PAK5: variants seen among roughly 807,000 people sequenced by gnomAD.
The protein encoded by PAK5 is serine/threonine-protein kinase PAK 5.
Under a neutral mutation model 65.9 loss-of-function variants are expected in PAK5, and 16 were observed. That is an observed-to-expected ratio of 0.24 (90% CI 0.16 to 0.37). The LOEUF (loss-of-function observed/expected upper bound fraction) is 0.37, where lower values mean the gene tolerates loss of function less well. PAK5 is among the 10% of genes least tolerant of loss of function. The probability of loss-of-function intolerance (pLI) is 1.00; values close to 1 mark genes in which losing one functional copy is unlikely to be tolerated. For synonymous variants in PAK5, 371 were observed against 354.9 expected (o/e 1.05, Z -0.51); for missense variants, 785 against 903.9 (o/e 0.87, Z 1.69).
At chr20:9,662,132 T>G (rs1479068675) in intron 2 of PAK5, among the ~76,000 whole-genome samples, 1 of 152,220 alleles carries the variant, frequency 6.6e-6, no homozygotes, top group Non-Finnish European at 1.5e-5. Context: ...ATTTGGTGCC[T>G]ATGTGATGGG....
At chr20:9,630,160 C>A (rs1325054274) in intron 3 of PAK5, among the ~76,000 whole-genome samples, 1 of 152,068 alleles carries the variant, frequency 6.6e-6, no homozygotes, top group Admixed American at 6.6e-5. Flanking sequence ...TCTCAAAAAA[C>A]AGAATCAGAA....
chr20:9,743,606 G>T (rs181256745), intron 1 of PAK5, among the ~76,000 whole-genome samples: 49 of 152,224 alleles, frequency 3.2e-4, no homozygotes, highest in Admixed American at 6.5e-4. Context: ...AGAAATAGAC[G>T]TTGGAATACT....
At chr20:9,560,915 C>G (rs1377610323) in intron 6 of PAK5, among the ~76,000 whole-genome samples, 1 of 152,164 alleles carries the variant, frequency 6.6e-6, no homozygotes, top group Non-Finnish European at 1.5e-5. Context: ...AGCATGGATT[C>G]TCATTTAGTT....
chr20:9,712,372 C>T (rs1257092133), intron 1 of PAK5, among the ~76,000 whole-genome samples: 1 of 152,072 alleles, frequency 6.6e-6, no homozygotes, highest in Non-Finnish European at 1.5e-5. Flanking sequence ...AAAAGGACTA[C>T]ATACAGATTT....
At chr20:9,574,702 TAA>T (rs1467785333) in intron 4 of PAK5, among the ~76,000 whole-genome samples, 2 of 152,214 alleles carry the variant, frequency 1.3e-5, no homozygotes, top group Non-Finnish European at 2.9e-5. Flanking sequence ...AAAGGACACC[TAA>T]AGTCTCCATC....
intron 1 of PAK5, among the ~76,000 whole-genome samples, chr20:9,820,509 G>A (rs1448777431): frequency 6.6e-6 from 1 of 152,204 alleles, no homozygotes; most frequent in Non-Finnish European, 1.5e-5. Flanking sequence ...GGAGATGTAA[G>A]TCTCAGTAGG....
intron 1 of PAK5, among the ~76,000 whole-genome samples, chr20:9,769,684 G>C (rs1374756171): frequency 1.3e-5 from 2 of 152,238 alleles, no homozygotes; most frequent in African/African-American, 4.8e-5. Context: ...CTATGGGCTA[G>C]AGAGCACATC....
intron 2 of PAK5, among the ~76,000 whole-genome samples, chr20:9,705,535 T>C (rs2123473266): frequency 6.6e-6 from 1 of 152,252 alleles, no homozygotes; most frequent in African/African-American, 2.4e-5. Flanking sequence ...AAATCGATCA[T>C]ATGTGTATTC....
intron 1 of PAK5, among the ~76,000 whole-genome samples, chr20:9,748,451 C>T (rs911423262): frequency 1.3e-5 from 2 of 152,122 alleles, no homozygotes; most frequent in African/African-American, 4.8e-5. Flanking sequence ...TACAAGGCTA[C>T]AGTAACCAAA....
At chr20:9,748,126 C>G (rs1863553864) in intron 1 of PAK5, among the ~76,000 whole-genome samples, 2 of 152,000 alleles carry the variant, frequency 1.3e-5, no homozygotes, top group African/African-American at 2.4e-5. Context: ...ATCCAACTTA[C>G]AAGGGACGTG....
At chr20:9,570,852 C>T (rs2045769059) in intron 4 of PAK5, among the ~76,000 whole-genome samples, 1 of 152,188 alleles carries the variant, frequency 6.6e-6, no homozygotes, top group Non-Finnish European at 1.5e-5. Flanking sequence ...CTAATTTAGG[C>T]CACTTTTCTT....
At chr20:9,580,048 C>G in intron 4 of PAK5, 97 bp downstream of exon 4, 1 of 1,079,086 alleles carries the variant, frequency 9.3e-7, no homozygotes, top group Non-Finnish European at 1.3e-6. Flanking sequence ...AAAAGGCAAA[C>G]AAGTACTTTA....
chr20:9,722,029 T>A (rs1259595699), intron 1 of PAK5, among the ~76,000 whole-genome samples: 1 of 152,128 alleles, frequency 6.6e-6, no homozygotes, highest in East Asian at 1.9e-4. Flanking sequence ...ATATCCACTA[T>A]TAACATGTAC....
rs563328801 is a variant in PAK5 at position 9,608,403 on chromosome 20, G to C, written c.205-27473C>G. ...TTAGGAAGTTTCTATGAATGCCTTA[G>C]CCAAGAGGACTCCAGCGCTTGGAGG... is the stretch of plus-strand genomic sequence containing the variant. On this transcript the variant is annotated intron_variant, in intron 3 of 9. Coordinates refer to ENST00000353224, the MANE Select transcript of PAK5 (RefSeq NM_177990.4). Among the ~76,000 whole-genome samples the C allele has an allele frequency of 2.6e-5, 4 of 152,296 alleles. No individual in the cohort carries two copies. In the East Asian group the frequency reaches 7.7e-4, roughly 29 times the overall value.
intron 3 of PAK5, among the ~76,000 whole-genome samples, chr20:9,621,238 G>C (rs865992327): frequency 9.9e-4 from 150 of 151,938 alleles, no homozygotes; most frequent in African/African-American, 3.6e-3. Context: ...AGAGAGGAAA[G>C]TCATAGGGGA....
rs199678661 is a variant in PAK5, at chr20:9,565,995, G to A, written c.1380C>T (p.Thr460=). The change falls in exon 5 of 10, where the codon ACC becomes ACT. Residue 460 remains threonine, a synonymous_variant. Coordinates refer to ENST00000353224, the MANE Select transcript of PAK5 (RefSeq NM_177990.4). ...ANFIKIGEGS[T]GIVCIATEKH... is the part of the protein sequence containing the mutation. The stretch of plus-strand genomic sequence containing the variant: ...TCTCGGTGGCGATGCATACGATGCC[G>A]GTTGAGCCTTCCCCGATTTTGATAA... 1.0e-5 allele frequency: 16 copies of A among 1,575,602 alleles called. No individual in the cohort carries two copies. The East Asian group carries it at 2.1e-4, about 21-fold the overall frequency.
At chr20:9,546,833 T>C (rs1276833073) in intron 7 of PAK5, among the ~76,000 whole-genome samples, 1 of 152,114 alleles carries the variant, frequency 6.6e-6, no homozygotes, top group Admixed American at 6.5e-5. Flanking sequence ...TCAGTCAGAG[T>C]GCTTTTCAAG....
chr20:9,673,112 T>A (rs1323278298), intron 2 of PAK5, among the ~76,000 whole-genome samples: 1 of 152,206 alleles, frequency 6.6e-6, no homozygotes, highest in African/African-American at 2.4e-5. Flanking sequence ...AGACATAGAA[T>A]GTTTTTAGTG....
At chr20:9,779,300 G>T (rs1252467668) in intron 1 of PAK5, among the ~76,000 whole-genome samples, 1 of 151,468 alleles carries the variant, frequency 6.6e-6, no homozygotes, top group Admixed American at 6.6e-5. Context: ...CTGGGAGAAA[G>T]CTGTGCATGG....
Sources: gnomAD v4.1 joint callset for allele counts (sites outside exome capture counted in the v4.1 genomes callset) on GRCh38, gnomAD v4.1.1 for gene constraint, MANE v1.5 for transcripts, NCBI Gene and HGNC (gene_info 2026-07-23, HGNC 2026-07-21) for gene names.